Variants in CNTN3 observed in about 807,000 individuals in gnomAD.
CNTN3 encodes contactin 3.
Under a neutral mutation model 119.1 loss-of-function variants are expected in CNTN3, and 60 were observed. The ratio of observed to expected loss-of-function variants is 0.50; its 90% confidence interval spans 0.41 to 0.62. The LOEUF is 0.62. Ranked by LOEUF, CNTN3 falls within the 20% of genes least tolerant of loss-of-function variation. The pLI is 0.00. For synonymous variants in CNTN3, 450 were observed against 438.7 expected, an observed-to-expected ratio of 1.03 and a Z score of -0.32; for missense variants, 1,101 against 1,242.4, an observed-to-expected ratio of 0.89 and a Z score of 1.71.
intron 4 of CNTN3, among the ~76,000 whole-genome samples, chr3:74,432,218 G>A (rs1701795308): frequency 6.6e-6 from 1 of 152,050 alleles, no homozygotes; most frequent in Admixed American, 6.6e-5. Context: ...GAAACCCAAT[G>A]AACATACCCA....
In CNTN3 at chr3:74,369,137, T is replaced by C. The variant is rs535745590; in HGVS notation, c.946+52A>G. The C allele has an allele frequency of 8.7e-5, 119 of 1,366,642 alleles. No homozygotes were observed. In the East Asian group the frequency reaches 2.6e-3, roughly 30 times the overall value. 84.7% of individuals were successfully genotyped at this position (1,366,642 alleles called of 1,614,324 possible). A position where few individuals can be genotyped will look rare whatever the true frequency, so the allele number is the denominator to read the frequency against. On this transcript the variant is annotated intron_variant, in intron 8 of 22. Coordinates refer to ENST00000263665, the MANE Select transcript of CNTN3 (RefSeq NM_020872.3). ...ACCCCTAAATAACAACCATATTTTA[T>C]AGATGAGAAAGTAAAAGCTAAAACT...
chr3:74,368,558 T>G (rs1468031110), intron 8 of CNTN3, among the ~76,000 whole-genome samples: 1 of 152,020 alleles, frequency 6.6e-6, no homozygotes, highest in Non-Finnish European at 1.5e-5. Flanking sequence ...ATAAGAGGTT[T>G]GAAAAAAATT....
At chr3:74,528,305 TTATAA>T (rs888034290) in intron 1 of CNTN3, among the ~76,000 whole-genome samples, 1 of 151,816 alleles carries the variant, frequency 6.6e-6, no homozygotes, top group Admixed American at 6.6e-5. Context: ...AAAAATAGCT[TTATAA>T]TATAATATAA....
intron 10 of CNTN3, among the ~76,000 whole-genome samples, chr3:74,362,434 C>G (rs1231380349): frequency 1.3e-5 from 2 of 152,146 alleles, no homozygotes; most frequent in Admixed American, 1.3e-4. Context: ...CAAAGCTCAG[C>G]AAAACTTTGA....
At chr3:74,285,657 A>C (rs1032206981) in intron 19 of CNTN3, among the ~76,000 whole-genome samples, 166 bp from the exon 20 acceptor site, 3 of 151,216 alleles carry the variant, frequency 2.0e-5, no homozygotes, top group African/African-American at 7.3e-5. Flanking sequence ...GTGTCACAGC[A>C]GTGAAGATAG....
intron 11 of CNTN3, among the ~76,000 whole-genome samples, chr3:74,355,068 G>A (rs1411718197): frequency 1.3e-5 from 2 of 151,990 alleles, no homozygotes; most frequent in South Asian, 4.1e-4. Context: ...ACCTTTGTAT[G>A]CACGGATATA....
At chr3:74,563,799 T>C (rs963168260) in intron 1 of CNTN3, among the ~76,000 whole-genome samples, 2 of 152,144 alleles carry the variant, frequency 1.3e-5, no homozygotes, top group African/African-American at 4.8e-5. Flanking sequence ...TTCGTTTTCA[T>C]GACAGTCTAA....
intron 5 of CNTN3, among the ~76,000 whole-genome samples, chr3:74,399,149 C>G (rs908455781): frequency 6.6e-6 from 1 of 151,708 alleles, no homozygotes. Flanking sequence ...TTATTTTTAA[C>G]TTTTATTTTA....
intron 1 of CNTN3, among the ~76,000 whole-genome samples, chr3:74,578,062 T>G (rs1704446217): frequency 6.6e-6 from 1 of 152,056 alleles, no homozygotes; most frequent in Non-Finnish European, 1.5e-5. Context: ...ATCAACCTCC[T>G]TACAAGGTCA....
intron 4 of CNTN3, among the ~76,000 whole-genome samples, chr3:74,449,909 AG>A (rs1702116655): frequency 6.6e-6 from 1 of 152,148 alleles, no homozygotes; most frequent in Non-Finnish European, 1.5e-5. Flanking sequence ...CTGGACCATA[AG>A]GCAATTTAAT....
chr3:74,303,242 C>A lies in CNTN3; in HGVS notation c.1669-435G>T, dbSNP rs1189756166. Among the ~76,000 whole-genome samples the A allele has an allele frequency of 2.6e-5, 4 of 152,094 alleles. No individual in the cohort carries two copies. In the East Asian group the frequency reaches 7.7e-4, roughly 29 times the overall value. ...GGTATCTAGTGGGAGATAAATGCAG[C>A]ATGACAAGCGGATTACCATGGTTGA... On this transcript the variant is annotated intron_variant, in intron 13 of 22. Transcript: ENST00000263665.
intron 5 of CNTN3, among the ~76,000 whole-genome samples, chr3:74,387,195 A>G (rs1000250644): frequency 1.3e-5 from 2 of 152,190 alleles, no homozygotes; most frequent in Non-Finnish European, 2.9e-5. Flanking sequence ...ATTTTTGGAG[A>G]CACAGAGATA....
chr3:74,474,079 A>C (rs1472608515), intron 4 of CNTN3, among the ~76,000 whole-genome samples: 1 of 152,184 alleles, frequency 6.6e-6, no homozygotes, highest in Non-Finnish European at 1.5e-5. Flanking sequence ...AGTGATAGTT[A>C]CAGGATATGT....
chr3:74,470,032 A>G (rs1392319903), intron 4 of CNTN3, among the ~76,000 whole-genome samples: 1 of 152,156 alleles, frequency 6.6e-6, no homozygotes. Context: ...ATAAACAGGA[A>G]CGAAGTACTG....
intron 4 of CNTN3, among the ~76,000 whole-genome samples, chr3:74,455,061 T>C (rs1226096474): frequency 6.6e-6 from 1 of 152,166 alleles, no homozygotes; most frequent in Non-Finnish European, 1.5e-5. Flanking sequence ...CCTGCCTTGC[T>C]AGATTGGGGA....
rs545005726 is a variant in CNTN3, at chr3:74,595,844, A to G, written c.-81+18547T>C. On this transcript the variant is annotated intron_variant, in intron 1 of 22. Coordinates refer to ENST00000263665, the MANE Select transcript of CNTN3 (RefSeq NM_020872.3). ...AGTGTTGGAAGTTCTGGCCAGGGCA[A>G]TTAGGCAGGAGAAGGAAATAAAGGG... is the stretch of plus-strand genomic sequence containing the variant. Among the ~76,000 whole-genome samples, 172 of 152,274 alleles carry G rather than the reference A, an allele frequency of 1.1e-3. 2 individuals are homozygous for G. Among genetic ancestry groups the G allele is most frequent in the African/African-American group, 4.1e-3 (169 of 41,572 alleles).
At chr3:74,331,553 C>CA (rs1703265710) in intron 13 of CNTN3, among the ~76,000 whole-genome samples, 1 of 152,212 alleles carries the variant, frequency 6.6e-6, no homozygotes, top group African/African-American at 2.4e-5. Flanking sequence ...GTGACTCACT[C>CA]ACCCATGGGC....
intron 11 of CNTN3, among the ~76,000 whole-genome samples, chr3:74,340,830 A>C (rs988770663): frequency 1.3e-5 from 2 of 152,126 alleles, no homozygotes; most frequent in South Asian, 2.1e-4. Flanking sequence ...TATTGAACTT[A>C]AATTGATATT....
At chr3:74,570,859 C>T (rs1303000191) in intron 1 of CNTN3, among the ~76,000 whole-genome samples, 1 of 152,024 alleles carries the variant, frequency 6.6e-6, no homozygotes, top group Non-Finnish European at 1.5e-5. Context: ...AACTGAAAGA[C>T]GAGGAATTTG....
Sources: allele counts gnomAD v4.1 joint callset (sites outside exome capture counted in the v4.1 genomes callset), GRCh38; gene constraint gnomAD v4.1.1; transcripts MANE v1.5; gene names NCBI Gene and HGNC (gene_info 2026-07-23, HGNC 2026-07-21).